The following ZHX3 variants were observed in gnomAD, a reference collection of about 807,000 sequenced individuals.
ZHX3 encodes zinc fingers and homeoboxes 3, also known as zinc fingers and homeoboxes protein 3.
A neutral mutation model predicts 64.5 loss-of-function variants in ZHX3; 20 were observed. The observed-to-expected ratio is 0.31, with a 90% CI of 0.22 to 0.45. The LOEUF (loss-of-function observed/expected upper bound fraction) is 0.45. Among genes scored for constraint, ZHX3 ranks in the 20% least tolerant of loss-of-function variants. The pLI is 1.00. For missense variants in ZHX3, 1,041 were observed against 1,195.8 expected, an observed-to-expected ratio of 0.87 and a Z score of 1.91; for synonymous variants, 423 against 461.6, an observed-to-expected ratio of 0.92 and a Z score of 1.07.
rs766107715 is a variant in ZHX3 at position 41,202,020 on chromosome 20, C to T, written c.2860+37G>A. On this transcript the variant is annotated intron_variant, in intron 3 of 3. Coordinates refer to ENST00000683867, the MANE Select transcript of ZHX3 (RefSeq NM_001384317.1). The surrounding 1 kb of genome is among the most constrained non-coding windows in gnomAD (Gnocchi z 7.0). The stretch of plus-strand genomic sequence containing the variant: ...AACCATAAGTGCCTCCTCCCCTTAC[C>T]CACACAGGATAGCCATGGCCCCTGT... 3 of 1,533,250 alleles carry T rather than the reference C, an allele frequency of 2.0e-6. No individual in the cohort carries two copies. The East Asian group carries it at 6.8e-5, about 35-fold the overall frequency. The allele number at this position is 1,533,250 out of a possible 1,614,324, so 95.0% of individuals were successfully genotyped here. A position where few individuals can be genotyped will look rare whatever the true frequency, so the allele number is the denominator to read the frequency against.
At chr20:41,241,902 T>C (rs1373817897) in intron 2 of ZHX3, among the ~76,000 whole-genome samples, 1 of 152,224 alleles carries the variant, frequency 6.6e-6, no homozygotes, top group African/African-American at 2.4e-5. Flanking sequence ...TGTATCATAT[T>C]TATAAAAGTA....
chr20:41,230,579 A>C (rs2040542970), intron 2 of ZHX3, among the ~76,000 whole-genome samples: 1 of 152,220 alleles, frequency 6.6e-6, no homozygotes, highest in Non-Finnish European at 1.5e-5. Flanking sequence ...GATTTCAAAG[A>C]CTCAGTACCA....
Position 41,207,740 on chromosome 20 carries a change from C to G in ZHX3, c.-150-2674G>C, listed in dbSNP as rs369610192. On this transcript the variant is annotated intron_variant, in intron 2 of 3. Coordinates refer to ENST00000683867, the MANE Select transcript of ZHX3 (RefSeq NM_001384317.1). ...AGCACTAAATGCCCACAAGAGAAAG[C>G]AGGAAATATCTAAAATTGACACCCT... is the stretch of plus-strand genomic sequence containing the variant. 9.7e-4 allele frequency among the ~76,000 whole-genome samples: 147 copies of G among 152,282 alleles called. 3 individuals are homozygous for G. The South Asian group carries it at 0.03, about 31-fold the overall frequency.
At chr20:41,312,174 C>T (rs778416508) in intron 1 of ZHX3, among the ~76,000 whole-genome samples, 25 of 151,954 alleles carry the variant, frequency 1.6e-4, no homozygotes, top group African/African-American at 4.4e-4. Flanking sequence ...GATTGTAAAA[C>T]GCACCAATCG....
At chr20:41,252,153 C>T (rs945149613) in intron 2 of ZHX3, among the ~76,000 whole-genome samples, 1 of 152,168 alleles carries the variant, frequency 6.6e-6, no homozygotes, top group African/African-American at 2.4e-5. Context: ...CCTTACCCTC[C>T]AAAAGACCAG....
rs1251360868 is a variant in ZHX3, at chr20:41,181,848, T to C, written c.*3343A>G. The C allele has an allele frequency of 6.6e-6, 1 of 152,222 alleles. No individual in the cohort carries two copies. The highest frequency in any genetic ancestry group is 1.5e-5 in the Non-Finnish European group (1 of 68,050). 9.4% of individuals were successfully genotyped at this position (152,222 alleles called of 1,614,324 possible). Reference sequence around the variant, plus strand: ...CCAATGTTCTGTCCAACTTCCTCCTTGTGCTACTAGAGAGCACAGTGTGGA... The same window carrying C: ...CCAATGTTCTGTCCAACTTCCTCCTCGTGCTACTAGAGAGCACAGTGTGGA... On this transcript the variant is annotated 3_prime_UTR_variant, in exon 4 of 4. Coordinates refer to ENST00000683867, the MANE Select transcript of ZHX3 (RefSeq NM_001384317.1).
chr20:41,248,506 C>A (rs977949595), intron 2 of ZHX3, among the ~76,000 whole-genome samples: 2 of 152,168 alleles, frequency 1.3e-5, no homozygotes, highest in Non-Finnish European at 2.9e-5. Context: ...GTCAAGAGGA[C>A]TGAAAGCAGG....
chr20:41,215,784 A>G (rs1204349349), intron 2 of ZHX3, among the ~76,000 whole-genome samples: 1 of 150,416 alleles, frequency 6.6e-6, no homozygotes, highest in Admixed American at 6.6e-5. Flanking sequence ...AAAAAAAAAA[A>G]AAAAAAAATA....
intron 2 of ZHX3, among the ~76,000 whole-genome samples, chr20:41,207,789 A>T (rs527997670): frequency 8.7e-5 from 13 of 148,834 alleles, no homozygotes; most frequent in African/African-American, 1.2e-4. Context: ...AAAGAACTAG[A>T]GAAGCAAGAA....
chr20:41,265,700 G>A (rs565377842), intron 2 of ZHX3, among the ~76,000 whole-genome samples: 3 of 152,228 alleles, frequency 2.0e-5, no homozygotes, highest in African/African-American at 7.2e-5. Context: ...CTTCTGAGGT[G>A]ATTTTAATGT....
At chr20:41,236,097 G>A (rs1415245234) in intron 2 of ZHX3, among the ~76,000 whole-genome samples, 5 of 152,158 alleles carry the variant, frequency 3.3e-5, no homozygotes, top group Admixed American at 6.5e-5. Context: ...GAGAACTACA[G>A]ACCACTGCTC....
intron 1 of ZHX3, among the ~76,000 whole-genome samples, chr20:41,310,071 C>A (rs2045085483): frequency 6.6e-6 from 1 of 152,184 alleles, no homozygotes; most frequent in Non-Finnish European, 1.5e-5. Context: ...AGCCTAGATA[C>A]CTTTAGCTAT....
At chr20:41,264,826 A>T (rs577880588) in intron 2 of ZHX3, among the ~76,000 whole-genome samples, 45 of 152,306 alleles carry the variant, frequency 3.0e-4, no homozygotes, top group African/African-American at 9.9e-4. Flanking sequence ...ACAGATTTTT[A>T]AAATTTTTAT....
chr20:41,241,549 G>A (rs2041380414), intron 2 of ZHX3, among the ~76,000 whole-genome samples: 1 of 152,138 alleles, frequency 6.6e-6, no homozygotes, highest in African/African-American at 2.4e-5. Context: ...TTGGTTGCCT[G>A]TGCTTGTCCA....
intron 2 of ZHX3, among the ~76,000 whole-genome samples, chr20:41,237,074 C>T (rs2041051310): frequency 6.6e-6 from 1 of 152,196 alleles, no homozygotes; most frequent in South Asian, 2.1e-4. Context: ...TACCATCTCA[C>T]ACCAGTTAGA....
chr20:41,207,023 A>T (rs927836054), intron 2 of ZHX3, among the ~76,000 whole-genome samples: 2 of 152,246 alleles, frequency 1.3e-5, no homozygotes, highest in African/African-American at 4.8e-5. Context: ...AGAACTTTCA[A>T]TCCAGAATTT....
rs1476025569 is a variant in ZHX3 at position 41,317,581 on chromosome 20, C to A, written c.-317G>T. On this transcript the variant is annotated 5_prime_UTR_variant, in exon 1 of 4. Coordinates refer to ENST00000683867, the MANE Select transcript of ZHX3 (RefSeq NM_001384317.1). The stretch of plus-strand genomic sequence containing the variant: ...GCGCTGCGGGCCTCCCTCCCCGCGG[C>A]CGGGCGGGCGGCCGGCGCAGGCCCC... The A allele has an allele frequency of 6.8e-6, 1 of 147,228 alleles. No individual in the cohort carries two copies. Among genetic ancestry groups the A allele is most frequent in the Non-Finnish European group, 1.5e-5 (1 of 66,140 alleles). The allele number at this position is 147,228 out of a possible 1,614,324, so 9.1% of individuals were successfully genotyped here.
intron 1 of ZHX3, among the ~76,000 whole-genome samples, chr20:41,298,828 CTT>C (rs1374182301): frequency 6.6e-6 from 1 of 152,178 alleles, no homozygotes; most frequent in African/African-American, 2.4e-5. Context: ...GTGAAGAAAG[CTT>C]CTTCAGGTAC....
intron 3 of ZHX3, among the ~76,000 whole-genome samples, chr20:41,191,472 A>G (rs1450418462): frequency 6.6e-6 from 1 of 152,090 alleles, no homozygotes; most frequent in Non-Finnish European, 1.5e-5. Flanking sequence ...TACACTCAAT[A>G]ATTTGAATTC....
Sources: allele counts gnomAD v4.1 joint callset (sites outside exome capture counted in the v4.1 genomes callset), GRCh38; gene constraint gnomAD v4.1.1; non-coding constraint Gnocchi (gnomAD v3.1); transcripts MANE v1.5; gene names NCBI Gene and HGNC (gene_info 2026-07-23, HGNC 2026-07-21).